LRWD1: variants seen among roughly 807,000 people sequenced by gnomAD.
LRWD1 encodes leucine rich repeats and WD repeat domain containing 1.
LRWD1 carries 76 observed loss-of-function variants against 75.6 expected under a neutral mutation model. The ratio of observed to expected loss-of-function variants is 1.01; its 90% confidence interval spans 0.84 to 1.22. The LOEUF (loss-of-function observed/expected upper bound fraction) is 1.22. Ranked by LOEUF, LRWD1 falls within the 50% of genes most tolerant of loss-of-function variation. The pLI, the probability that LRWD1 is intolerant of heterozygous loss-of-function variation, is 0.00. For synonymous variants in LRWD1, 487 were observed against 377.0 expected (o/e 1.29, Z -3.38); for missense variants, 917 against 862.0 (o/e 1.06, Z -0.80).
In LRWD1 at chr7:102,465,803, G is replaced by A; in HGVS notation, c.81-14G>A. 1.2e-6 allele frequency: 2 copies of A among 1,608,456 alleles called. No homozygotes were observed. Among genetic ancestry groups the A allele is most frequent in the Middle Eastern group, 1.7e-4 (1 of 6,048 alleles). ...AGCCTGCCCGCCCCCTAAGCCTTCT[G>A]CCCCCAACTCCAGCCTGTCAGGATT... On this transcript the variant is annotated splice_polypyrimidine_tract_variant and intron_variant, in intron 1 of 14. Transcript: ENST00000292616.
intron 9 of LRWD1, 109 bp downstream of exon 9, chr7:102,469,171 G>A (rs1483818477): frequency 2.1e-5 from 21 of 998,860 alleles, no homozygotes; most frequent in Non-Finnish European, 1.2e-5. Context: ...GCGCCTGCCG[G>A]GCCCCAGTCT....
Position 102,470,007 on chromosome 7 carries a change from C to G in LRWD1, c.1442+125C>G, listed in dbSNP as rs957230752. On this transcript the variant is annotated intron_variant, in intron 11 of 14. Coordinates refer to ENST00000292616, the MANE Select transcript of LRWD1 (RefSeq NM_152892.3). ...TAAGGGTTGTTTTTAGAGGCCTCTT[C>G]GCAGAGCTGGCTTGTCCCACCTTTC... is the stretch of plus-strand genomic sequence containing the variant. 5 of 1,196,976 alleles carry G rather than the reference C, an allele frequency of 4.2e-6. No individual in the cohort carries two copies. The South Asian group carries it at 8.5e-5, about 20-fold the overall frequency. The allele number at this position is 1,196,976 out of a possible 1,614,324, so 74.1% of individuals were successfully genotyped here.
At chr7:102,469,293 CCT>C (rs879708940) in intron 9 of LRWD1, among the ~76,000 whole-genome samples, 28 of 152,312 alleles carry the variant, frequency 1.8e-4, no homozygotes, top group South Asian at 6.2e-4. Flanking sequence ...CACTCTGTCC[CCT>C]GTCAGTGACC....
rs772153478 is a variant in LRWD1, at chr7:102,468,168, C to T, written c.785C>T (p.Ala262Val). 1.9e-6 allele frequency: 3 copies of T among 1,605,854 alleles called. No homozygotes were observed. The highest frequency in any genetic ancestry group is 1.1e-5 in the South Asian group (1 of 89,544). ...PSAQVEGSPV[A>V]GSDGSQPAVK... The stretch of plus-strand genomic sequence containing the variant: ...GCCCAGGTGGAGGGCAGCCCTGTGG[C>T]AGGCTCCGATGGCAGCCAGGTGAGC... The change falls in exon 6 of 15, where the codon GCA becomes GTA. Residue 262 changes from alanine (A) to valine (V), a missense_variant. Transcript: ENST00000292616.
chr7:102,471,769 G>A (rs1033961352), intron 11 of LRWD1: 13 of 195,746 alleles, frequency 6.6e-5, no homozygotes, highest in African/African-American at 3.1e-4. Context: ...TTGAGTCAGA[G>A]CAGATGCCCC....
chr7:102,465,941 T>A lies in LRWD1; in HGVS notation c.205T>A (p.Ser69Thr), dbSNP rs757104289. Residue 69 changes from serine to threonine, a missense_variant, in exon 2 of 15, where the codon TCC becomes ACC. Transcript: ENST00000292616. ...GACGCTGCCGGACAACCTGGGCCTG[T>A]CCCACCTGCGTGTCCTCCGCTGCGC... is the stretch of plus-strand genomic sequence containing the variant. The part of the protein sequence containing the change: ...LETLPDNLGL[S>T]HLRVLRCANN... 2 of 1,613,814 alleles carry A rather than the reference T, an allele frequency of 1.2e-6. No homozygotes were observed. The highest frequency in any genetic ancestry group is 2.2e-5 in the South Asian group (2 of 91,078).
In LRWD1 at chr7:102,469,019, C is replaced by T. The variant is rs1455294736; in HGVS notation, c.1185C>T (p.Ile395=). ...TCATCCGAGCCCACAAGAAGGCCAT[C>T]GCCACCCTGTGCTTCAGCCCCGCCC... The part of the protein sequence containing the change: ...CGVIRAHKKA[I]ATLCFSPAHE... Residue 395 remains isoleucine, a synonymous_variant, in exon 9 of 15, where the codon ATC becomes ATT. Transcript: ENST00000292616. 4.3e-6 allele frequency: 7 copies of T among 1,609,364 alleles called. No individual in the cohort carries two copies. Among genetic ancestry groups the T allele is most frequent in the Admixed American group, 1.7e-5 (1 of 59,890 alleles).
chr7:102,472,613 A>T lies in LRWD1; in HGVS notation c.1690+4A>T, dbSNP rs761257145. On this transcript the variant is annotated splice_donor_region_variant and intron_variant, in intron 13 of 14. Coordinates refer to ENST00000292616, the MANE Select transcript of LRWD1 (RefSeq NM_152892.3). ...TTCTCGCTCAGCGCCTGCCCTGGTG[A>T]GCCTGCCCCCCTGCCCGCCCCATCC... 172 of 1,608,930 alleles carry T rather than the reference A, an allele frequency of 1.1e-4. No homozygotes were observed. Among genetic ancestry groups the T allele is most frequent in the Non-Finnish European group, 1.4e-4 (167 of 1,177,190 alleles).
intron 11 of LRWD1, chr7:102,470,091 A>G: frequency 1.6e-6 from 1 of 621,530 alleles, no homozygotes; most frequent in Non-Finnish European, 2.6e-6. Flanking sequence ...CAGCTGTGGG[A>G]CTGGGCCATG....
Position 102,469,774 on chromosome 7 carries a change from C to T in LRWD1, c.1334C>T (p.Pro445Leu). 2 of 1,610,004 alleles carry T rather than the reference C, an allele frequency of 1.2e-6. No individual in the cohort carries two copies. The highest frequency in any genetic ancestry group is 1.3e-5 in the African/African-American group (1 of 75,002). ...QLLTLDTTSI[P>L]LRLCPVASCP... ...CTCACACTGGACACCACCTCTATCC[C>T]CCTGCGCCTCTGCCCTGTCGCCTCC... Residue 445 changes from proline (P) to leucine (L), a missense_variant, in exon 11 of 15, where the codon CCC (proline) becomes CTC (leucine). Transcript: ENST00000292616.
At chr7:102,470,804 C>T (rs1187268012) in intron 11 of LRWD1, 1 of 152,286 alleles carries the variant, frequency 6.6e-6, no homozygotes, top group Admixed American at 6.5e-5. Flanking sequence ...TCCCTCTTGT[C>T]ACCCAGGCTG....
chr7:102,469,866 C>A lies in LRWD1; in HGVS notation c.1426C>A (p.Gln476Lys). 1 of 1,579,664 alleles carries A rather than the reference C, an allele frequency of 6.3e-7. No homozygotes were observed. Among genetic ancestry groups the A allele is most frequent in the South Asian group, 1.2e-5 (1 of 86,674 alleles). ...CTGCTGCTGGGACGTGCGGCTGGAC[C>A]AGCCCCAAAAGAGGAGGTGAGGCTG... The part of the protein sequence containing the change: ...GCCCWDVRLD[Q>K]PQKRRVCEVE... The change falls in exon 11 of 15, where the codon CAG (glutamine) becomes AAG (lysine). Residue 476 changes from glutamine to lysine, a missense_variant. Physicochemically the swap from Gln to Lys is moderately conservative, Grantham distance 53. Coordinates refer to ENST00000292616, the MANE Select transcript of LRWD1 (RefSeq NM_152892.3).
Position 102,472,372 on chromosome 7 carries a change from T to C in LRWD1, c.1534+63T>C, listed in dbSNP as rs2133275226. On this transcript the variant is annotated intron_variant, in intron 12 of 14. Transcript: ENST00000292616. ...GGCACACAGATGGACCGCTTGTCCC[T>C]GGGCTAGGCTTCTGAGGATCTCTAG... 2.6e-6 allele frequency: 4 copies of C among 1,551,546 alleles called. No individual in the cohort carries two copies. In the East Asian group the frequency reaches 9.8e-5, roughly 38 times the overall value.
Position 102,472,648 on chromosome 7 carries a change from C to T in LRWD1, c.1690+39C>T, listed in dbSNP as rs770367965. The T allele has an allele frequency of 3.7e-6, 6 of 1,611,102 alleles. No individual in the cohort carries two copies. The South Asian group carries it at 6.6e-5, about 18-fold the overall frequency. ...CCTGCCCGCCCCATCCCGCGGGCTT[C>T]CGGGAGCTCTGCCCCCACTCAGACT... is the stretch of plus-strand genomic sequence containing the variant. On this transcript the variant is annotated intron_variant, in intron 13 of 14. Transcript: ENST00000292616.
Position 102,473,110 on chromosome 7 carries a change from T to G in LRWD1, c.*61T>G, listed in dbSNP as rs1798272588. The G allele has an allele frequency of 1.5e-3, 1,784 of 1,191,454 alleles. No individual in the cohort carries two copies. Among genetic ancestry groups the G allele is most frequent in the Non-Finnish European group, 1.7e-3 (1,461 of 870,830 alleles). The allele number at this position is 1,191,454 out of a possible 1,614,324, so 73.8% of individuals were successfully genotyped here. On this transcript the variant is annotated 3_prime_UTR_variant, in exon 15 of 15. Coordinates refer to ENST00000292616, the MANE Select transcript of LRWD1 (RefSeq NM_152892.3). ...ACTAACTTATTCAGCTTTGGGCCGA[T>G]GGGGGTGGGGGGGGGTCTTTCAGTG...
chr7:102,467,433 A>T lies in LRWD1; in HGVS notation c.527A>T (p.Asp176Val), dbSNP rs1290924891. The T allele has an allele frequency of 6.2e-7, 1 of 1,613,694 alleles. No individual in the cohort carries two copies. The highest frequency in any genetic ancestry group is 8.5e-7 in the Non-Finnish European group (1 of 1,179,900). Residue 176 changes from aspartate to valine, a missense_variant, in exon 4 of 15, where the codon GAT becomes GTT. By Grantham distance (152) the Asp-to-Val change is radical. Transcript: ENST00000292616. ...QADFVKSAVR[D>V]VRYGPESLSE... Reference sequence around the variant, plus strand: ...GACTTTGTGAAGTCGGCTGTCAGGGATGTCCGCTACGGGCCCGAGTCCCTC... The same window carrying T: ...GACTTTGTGAAGTCGGCTGTCAGGGTTGTCCGCTACGGGCCCGAGTCCCTC...
chr7:102,469,607 A>C lies in LRWD1; in HGVS notation c.1262A>C (p.Asp421Ala). Reference protein sequence around the residue: ...ASYDKRIILWDIGVPNQDYEF... With the variant: ...ASYDKRIILWAIGVPNQDYEF... ...TATGACAAGCGGATCATCCTCTGGG[A>C]CATCGGGGTGCCCAACCAGGACTAC... Residue 421 changes from aspartate (D) to alanine (A), a missense_variant, in exon 10 of 15, where the codon GAC (aspartate) becomes GCC (alanine). Transcript: ENST00000292616. 6.2e-7 allele frequency: 1 copy of C among 1,614,000 alleles called. No individual in the cohort carries two copies. The highest frequency in any genetic ancestry group is 8.5e-7 in the Non-Finnish European group (1 of 1,179,868).
chr7:102,467,599 C>G (rs1261376248), intron 4 of LRWD1, 120 bp downstream of exon 4: 1 of 1,523,360 alleles, frequency 6.6e-7, no homozygotes, highest in African/African-American at 1.4e-5. Flanking sequence ...GTGGGCAGCC[C>G]TGTTGGCTGG....
Position 102,468,310 on chromosome 7 carries a change from G to A in LRWD1, c.852G>A (p.Lys284=), listed in dbSNP as rs908665835. 2.5e-6 allele frequency: 4 copies of A among 1,612,714 alleles called. No homozygotes were observed. The highest frequency in any genetic ancestry group is 3.4e-6 in the Non-Finnish European group (4 of 1,179,578). ...TGCACTTCCTGCAGTGCCACAGCAA[G>A]AACAACAGCCCCCAGGACCTCGAGA... is the stretch of plus-strand genomic sequence containing the variant. ...EPLHFLQCHS[K]NNSPQDLETQ... is the part of the protein sequence containing the mutation. The change falls in exon 7 of 15, where the codon AAG becomes AAA. Residue 284 remains lysine (K), a synonymous_variant. Coordinates refer to ENST00000292616, the MANE Select transcript of LRWD1 (RefSeq NM_152892.3).
Sources: allele counts gnomAD v4.1 joint callset (sites outside exome capture counted in the v4.1 genomes callset), GRCh38; gene constraint gnomAD v4.1.1; transcripts MANE v1.5; gene names NCBI Gene and HGNC (gene_info 2026-07-23, HGNC 2026-07-21).